Variants in STAG1 observed in about 807,000 individuals in gnomAD.
STAG1 encodes the protein STAG1 cohesin complex component.
STAG1 carries 26 observed loss-of-function variants against 170.9 expected under a neutral mutation model. The observed-to-expected ratio is 0.15, with a 90% CI of 0.11 to 0.21. The LOEUF (loss-of-function observed/expected upper bound fraction) is 0.21, where lower values mean the gene tolerates loss of function less well. Ranked by LOEUF, STAG1 falls within the 10% of genes least tolerant of loss-of-function variation. The probability of loss-of-function intolerance (pLI) is 1.00; values close to 1 mark genes in which losing one functional copy is unlikely to be tolerated. For synonymous variants in STAG1, 514 were observed against 497.7 expected (o/e 1.03, Z -0.44); for missense variants, 964 against 1,509.5 (o/e 0.64, Z 5.99).
intron 4 of STAG1, among the ~76,000 whole-genome samples, chr3:136,583,533 A>C (rs1421344374): frequency 6.6e-6 from 1 of 152,206 alleles, no homozygotes; most frequent in African/African-American, 2.4e-5. Context: ...TCATGCCTGT[A>C]ATCCTAGCAC....
At chr3:136,707,250 T>A (rs915306493) in intron 1 of STAG1, among the ~76,000 whole-genome samples, 1 of 152,244 alleles carries the variant, frequency 6.6e-6, no homozygotes, top group Non-Finnish European at 1.5e-5. Context: ...AAGGACATTA[T>A]CAAGAAAGTT....
At chr3:136,506,546 T>C (rs1330086549) in intron 7 of STAG1, among the ~76,000 whole-genome samples, 1 of 147,448 alleles carries the variant, frequency 6.8e-6, no homozygotes, top group Non-Finnish European at 1.5e-5. Flanking sequence ...CTCGGTAGGC[T>C]GAGGCAGGAG....
At chr3:136,539,375 C>T (rs1576584835) in intron 6 of STAG1, among the ~76,000 whole-genome samples, 1 of 152,110 alleles carries the variant, frequency 6.6e-6, no homozygotes, top group African/African-American at 2.4e-5. Context: ...GAGAAAAAAT[C>T]TGCAAGGTTA....
At chr3:136,649,720 A>G (rs1941150694) in intron 1 of STAG1, among the ~76,000 whole-genome samples, 1 of 151,810 alleles carries the variant, frequency 6.6e-6, no homozygotes, top group Non-Finnish European at 1.5e-5. Context: ...ATTTGAGAGC[A>G]GCTTGGACAA....
chr3:136,700,876 C>CTT (rs35459362), intron 1 of STAG1, among the ~76,000 whole-genome samples: 1,512 of 78,316 alleles, frequency 0.019, 8 homozygotes, highest in East Asian at 0.034. Flanking sequence ...TATTTTTTTT[C>CTT]TTTTTTTTTT....
chr3:136,345,045 G>C (rs1293938428), intron 29 of STAG1, among the ~76,000 whole-genome samples: 1 of 152,074 alleles, frequency 6.6e-6, no homozygotes, highest in Admixed American at 6.6e-5. Flanking sequence ...AAGTTTTCCA[G>C]GGGCTACGAA....
intron 6 of STAG1, among the ~76,000 whole-genome samples, chr3:136,524,654 G>T (rs902492162): frequency 6.6e-6 from 1 of 152,160 alleles, no homozygotes; most frequent in Non-Finnish European, 1.5e-5. Context: ...TGGTGAGAGA[G>T]GGCATCCCTG....
At chr3:136,541,573 C>CACACACACAA (rs1040950112) in intron 6 of STAG1, among the ~76,000 whole-genome samples, 4 of 151,420 alleles carry the variant, frequency 2.6e-5, no homozygotes, top group Middle Eastern at 3.2e-3. Context: ...CACACACACA[C>CACACACACAA]ACACACACAC....
At chr3:136,568,672 G>A (rs1030053620) in intron 5 of STAG1, 93 bp downstream of exon 5, 25 of 809,468 alleles carry the variant, frequency 3.1e-5, no homozygotes, top group Middle Eastern at 3.4e-4. Flanking sequence ...TTAATTTTAG[G>A]GTAAATTATA....
At chr3:136,435,637 T>C (rs919768729) in intron 15 of STAG1, among the ~76,000 whole-genome samples, 1 of 152,140 alleles carries the variant, frequency 6.6e-6, no homozygotes, top group Non-Finnish European at 1.5e-5. Context: ...AACTATGGTT[T>C]CCTTCACATA....
intron 9 of STAG1, among the ~76,000 whole-genome samples, chr3:136,485,383 G>A (rs2089986794): frequency 6.6e-6 from 1 of 152,116 alleles, no homozygotes; most frequent in Non-Finnish European, 1.5e-5. Context: ...TTTGAACCCA[G>A]GAGGCGGAGG....
intron 22 of STAG1, among the ~76,000 whole-genome samples, chr3:136,387,466 T>G (rs973548700): frequency 6.6e-6 from 1 of 152,162 alleles, no homozygotes; most frequent in African/African-American, 2.4e-5. Context: ...TAAGTCATTA[T>G]CCATACTATA....
chr3:136,558,779 C>T (rs933787809), intron 5 of STAG1, among the ~76,000 whole-genome samples: 1 of 152,184 alleles, frequency 6.6e-6, no homozygotes, highest in African/African-American at 2.4e-5. Flanking sequence ...CAAACTAGAG[C>T]ATTTTGTGCA....
intron 2 of STAG1, among the ~76,000 whole-genome samples, chr3:136,627,679 T>G (rs889653879): frequency 2.0e-5 from 3 of 152,146 alleles, no homozygotes; most frequent in African/African-American, 7.2e-5. Flanking sequence ...GGTCAAGGGG[T>G]ATGGAAATTC....
At chr3:136,428,348 AC>A (rs2088194760) in intron 16 of STAG1, among the ~76,000 whole-genome samples, 1 of 152,160 alleles carries the variant, frequency 6.6e-6, no homozygotes, top group Non-Finnish European at 1.5e-5. Flanking sequence ...GTTTACACTG[AC>A]GCTGTAAAGT....
intron 1 of STAG1, among the ~76,000 whole-genome samples, chr3:136,690,238 CTTTT>C (rs933282514): frequency 1.3e-5 from 2 of 151,920 alleles, no homozygotes; most frequent in South Asian, 2.1e-4. Flanking sequence ...TTGTTTTTGG[CTTTT>C]TTTGTTTGTT....
intron 22 of STAG1, among the ~76,000 whole-genome samples, chr3:136,382,619 C>T (rs569546604): frequency 6.6e-6 from 1 of 152,094 alleles, no homozygotes; most frequent in East Asian, 1.9e-4. Context: ...CCATGTTGAC[C>T]AGGCTGGTCT....
intron 1 of STAG1, among the ~76,000 whole-genome samples, chr3:136,735,657 G>A (rs1934291064): frequency 1.3e-5 from 2 of 151,858 alleles, no homozygotes; most frequent in South Asian, 4.2e-4. Context: ...TTGTCTTCCA[G>A]ACTGGAGTGC....
chr3:136,624,239 C>T (rs917499020), intron 2 of STAG1, among the ~76,000 whole-genome samples: 17 of 151,948 alleles, frequency 1.1e-4, no homozygotes, highest in African/African-American at 3.9e-4. Flanking sequence ...GCTGGGACTA[C>T]AGGCACCCGC....
Sources: allele counts gnomAD v4.1 joint callset (sites outside exome capture counted in the v4.1 genomes callset), GRCh38; gene constraint gnomAD v4.1.1; transcripts MANE v1.5; gene names NCBI Gene and HGNC (gene_info 2026-07-23, HGNC 2026-07-21).